Variants in TANGO2 observed in about 807,000 individuals in gnomAD.
The protein encoded by TANGO2 is transport and golgi organization 2 homolog.
A neutral mutation model predicts 39.1 loss-of-function variants in TANGO2; 26 were observed. That is an observed-to-expected ratio of 0.67 (90% CI 0.49 to 0.92). TANGO2 has a LOEUF of 0.92. TANGO2 is among the 40% of genes least tolerant of loss of function. The pLI is 0.00. For missense variants in TANGO2, 326 were observed against 360.1 expected (o/e 0.91, Z 0.77); for synonymous variants, 131 against 144.5 (o/e 0.91, Z 0.67).
At chr22:20,063,873 T>G (rs2048829889) in intron 8 of TANGO2, among the ~76,000 whole-genome samples, 1 of 152,158 alleles carries the variant, frequency 6.6e-6, no homozygotes, top group Non-Finnish European at 1.5e-5. Flanking sequence ...TTCCTGTGTG[T>G]GAGGGGAAGG....
intron 2 of TANGO2, among the ~76,000 whole-genome samples, chr22:20,040,992 C>A (rs1357432804): frequency 6.6e-6 from 1 of 152,220 alleles, no homozygotes; most frequent in Non-Finnish European, 1.5e-5. Context: ...TAGCAGACCC[C>A]AAGGGCTCTA....
intron 3 of TANGO2, among the ~76,000 whole-genome samples, chr22:20,047,388 C>G (rs919422978): frequency 3.3e-5 from 5 of 152,062 alleles, no homozygotes; most frequent in Admixed American, 3.3e-4. Context: ...CGCCTGCCAC[C>G]ATGCCCAGCT....
chr22:20,046,436 A>G (rs114170496), intron 3 of TANGO2, among the ~76,000 whole-genome samples: 1,632 of 150,334 alleles, frequency 0.011, 15 homozygotes, highest in Middle Eastern at 0.021. Context: ...ATAATAAGCC[A>G]TGGTGCCCAG....
chr22:20,029,767 T>C lies in TANGO2; in HGVS notation c.-39-6993T>C, dbSNP rs554269497. Among the ~76,000 whole-genome samples, 4 of 152,308 alleles carry C rather than the reference T, an allele frequency of 2.6e-5. No homozygotes were observed. The South Asian group carries it at 8.3e-4, about 32-fold the overall frequency. ...AAGACCACACCAAAGTCCCAAGTGA[T>C]TAGTTCCCCGGCCTCCCTGCACAGA... is the stretch of plus-strand genomic sequence containing the variant. On this transcript the variant is annotated intron_variant, in intron 1 of 8. Coordinates refer to ENST00000327374, the MANE Select transcript of TANGO2 (RefSeq NM_152906.7).
intron 2 of TANGO2, 141 bp from the exon 3 acceptor site, chr22:20,043,214 G>A: frequency 1.6e-6 from 1 of 636,826 alleles, no homozygotes; most frequent in Non-Finnish European, 2.8e-6. Context: ...CTCCAGTGTG[G>A]GTGCAGCAGG....
intron 2 of TANGO2, among the ~76,000 whole-genome samples, chr22:20,039,501 C>T (rs2043501105): frequency 6.6e-6 from 1 of 151,820 alleles, no homozygotes; most frequent in African/African-American, 2.4e-5. Flanking sequence ...TGGTGGCGCA[C>T]ACCTGTAATC....
rs145901234 is a variant in TANGO2 at position 20,036,848 on chromosome 22, C to T, written c.50C>T (p.Ala17Val). ...KFDPRPVSKN[A>V]YRLILAANRD... ...GATCCTCGCCCTGTTTCCAAAAACG[C>T]GTACAGGTAACCCCCTCGCTCTGCA... The change falls in exon 2 of 9, where the codon GCG becomes GTG. Residue 17 changes from alanine (A) to valine (V), a missense_variant. Transcript: ENST00000327374. 1.1e-5 allele frequency: 17 copies of T among 1,614,112 alleles called. No homozygotes were observed. The highest frequency in any genetic ancestry group is 4.0e-5 in the African/African-American group (3 of 74,930).
In TANGO2 at chr22:20,036,894, C is replaced by T. The variant is rs200597988; in HGVS notation, c.56+40C>T. The T allele has an allele frequency of 2.8e-5, 45 of 1,614,226 alleles. No individual in the cohort carries two copies. In the Admixed American group the frequency reaches 7.3e-4, roughly 26 times the overall value. ...CTGCATCTGCTGCGCCCTGCAGGGT[C>T]CTGGGTGCCCAGCCAGTTCTCATGC... On this transcript the variant is annotated intron_variant, in intron 2 of 8. Coordinates refer to ENST00000327374, the MANE Select transcript of TANGO2 (RefSeq NM_152906.7).
chr22:20,054,309 C>T (rs930897523), intron 5 of TANGO2: 4 of 157,216 alleles, frequency 2.5e-5, no homozygotes, highest in Non-Finnish European at 5.6e-5. Flanking sequence ...ACTTGCTGTC[C>T]GGAGCCGTTC....
chr22:20,027,764 T>C (rs2041062845), intron 1 of TANGO2, among the ~76,000 whole-genome samples: 3 of 152,020 alleles, frequency 2.0e-5, no homozygotes, highest in Non-Finnish European at 1.5e-5. Context: ...CATGTCACCA[T>C]GCTCGGCTAA....
intron 1 of TANGO2, among the ~76,000 whole-genome samples, chr22:20,028,919 A>T (rs1294807132): frequency 6.6e-6 from 1 of 152,130 alleles, no homozygotes. Flanking sequence ...TGTGGTGGGC[A>T]CTGAGAGCCA....
At chr22:20,020,534 G>A (rs1410651662), upstream of TANGO2, among the ~76,000 whole-genome samples, 2 of 152,084 alleles carry the variant, frequency 1.3e-5, no homozygotes, top group Non-Finnish European at 2.9e-5. Flanking sequence ...GGGAGGTGGT[G>A]GGTGTGCAGG....
intron 2 of TANGO2, among the ~76,000 whole-genome samples, chr22:20,038,459 A>T (rs975180609): frequency 6.6e-6 from 1 of 152,020 alleles, no homozygotes; most frequent in Non-Finnish European, 1.5e-5. Context: ...AGGAAGCTTG[A>T]TGGCTGGCCT....
intron 8 of TANGO2, 53 bp from the exon 9 acceptor site, chr22:20,064,489 G>T (rs552823810): frequency 6.7e-5 from 107 of 1,607,800 alleles, no homozygotes; most frequent in East Asian, 8.9e-5. Context: ...GCTGTGACAG[G>T]CAGGGCAGGG....
chr22:20,033,992 G>A (rs1240617009), intron 1 of TANGO2, among the ~76,000 whole-genome samples: 1 of 152,178 alleles, frequency 6.6e-6, no homozygotes, highest in African/African-American at 2.4e-5. Context: ...GATCACCTGA[G>A]GTCAGGAGTT....
At chr22:20,052,667 C>T in intron 4 of TANGO2, 83 bp downstream of exon 4, 2 of 1,484,366 alleles carry the variant, frequency 1.3e-6, no homozygotes, top group Non-Finnish European at 1.8e-6. Context: ...CAAGGGACTA[C>T]AGGACTGGCC....
intron 1 of TANGO2, 115 bp from the exon 2 acceptor site, chr22:20,036,645 G>A: frequency 1.1e-6 from 1 of 871,788 alleles, no homozygotes. Flanking sequence ...CCCACACCCA[G>A]CAAGTAGTAC....
In TANGO2 at chr22:20,044,988, C is replaced by T. The variant is rs558843414; in HGVS notation, c.145+1545C>T. The stretch of plus-strand genomic sequence containing the variant: ...TGGTGGCAGCTGGTGCATGGATGTA[C>T]ACGGGCTTCTGCCAAGTGTCGGGGT... On this transcript the variant is annotated intron_variant, in intron 3 of 8. Transcript: ENST00000327374. Among the ~76,000 whole-genome samples the T allele has an allele frequency of 3.9e-4, 60 of 152,312 alleles. 2 individuals carry two copies. In the South Asian group the frequency reaches 0.012, roughly 31 times the overall value.
At chr22:20,063,578 C>T (rs2048777645) in intron 8 of TANGO2, 136 bp downstream of exon 8, 3 of 820,656 alleles carry the variant, frequency 3.7e-6, no homozygotes, top group Non-Finnish European at 5.6e-6. Flanking sequence ...AGCTTCTGCC[C>T]TGTCCAGACG....
Sources: gnomAD v4.1 joint callset for allele counts (sites outside exome capture counted in the v4.1 genomes callset) on GRCh38, gnomAD v4.1.1 for gene constraint, MANE v1.5 for transcripts, NCBI Gene and HGNC (gene_info 2026-07-23, HGNC 2026-07-21) for gene names.